Variants in DEPDC1B observed in about 807,000 individuals in gnomAD.
The protein encoded by DEPDC1B is DEP domain containing 1B.
In DEPDC1B, 51 loss-of-function variants were observed where a neutral mutation model predicts 66.5. That is an observed-to-expected ratio of 0.77 (90% CI 0.61 to 0.97). The LOEUF (loss-of-function observed/expected upper bound fraction) is 0.97, where lower values mean the gene tolerates loss of function less well. DEPDC1B is among the 50% of genes least tolerant of loss of function. The probability of loss-of-function intolerance (pLI) is 0.00; values close to 1 mark genes in which losing one functional copy is unlikely to be tolerated. For missense variants in DEPDC1B, 552 were observed against 637.1 expected, an observed-to-expected ratio of 0.87 and a Z score of 1.44; for synonymous variants, 226 against 223.6, an observed-to-expected ratio of 1.01 and a Z score of -0.10.
chr5:60,647,345 A>G (rs1384463733), intron 3 of DEPDC1B, 53 bp downstream of exon 3: 3 of 1,538,980 alleles, frequency 1.9e-6, no homozygotes, highest in South Asian at 2.6e-5. Context: ...CTAGGAGTTC[A>G]TGGATGATTC....
At chr5:60,645,056 C>T (rs1341560736) in intron 4 of DEPDC1B, among the ~76,000 whole-genome samples, 181 bp from the exon 5 acceptor site, 3 of 152,128 alleles carry the variant, frequency 2.0e-5, no homozygotes, top group African/African-American at 4.8e-5. Flanking sequence ...TATCCTTTTG[C>T]TATTAACATT....
At chr5:60,636,972 G>A (rs1753057517) in intron 7 of DEPDC1B, among the ~76,000 whole-genome samples, 1 of 152,148 alleles carries the variant, frequency 6.6e-6, no homozygotes, top group African/African-American at 2.4e-5. Context: ...TGATAAAATA[G>A]AGCAGTGACA....
chr5:60,667,721 T>TTACATATATATAAAAAATGGATATTA lies in DEPDC1B; in HGVS notation c.314+19240_314+19241insTAATATCCATTTTTTATATATATGTA, dbSNP rs1561383999. On this transcript the variant is annotated intron_variant, in intron 2 of 10. Transcript: ENST00000265036. The stretch of plus-strand genomic sequence containing the variant: ...TTTACATGTATATAAAATGGATATT[T>TTACATATATATAAAAAATGGATATTA]TACATATATATAAAAAATGGATATT... Among the ~76,000 whole-genome samples, 122 of 121,558 alleles carry TTACATATATATAAAAAATGGATATTA rather than the reference T, an allele frequency of 1.0e-3. 2 individuals are homozygous for TTACATATATATAAAAAATGGATATTA. Among genetic ancestry groups the TTACATATATATAAAAAATGGATATTA allele is most frequent in the Non-Finnish European group, 1.5e-3 (87 of 57,258 alleles). 79.7% of individuals were successfully genotyped at this position (121,558 alleles called of 152,430 possible).
rs1488184125 is a variant in DEPDC1B, at chr5:60,687,028, T to G, written c.248A>C (p.His83Pro). ...TTTTCCCTTGATGTCTTCAATAACGTGATTCTTCAGGAATTTTTTTAGCAG... is the reference window on the plus strand; with the variant it reads ...TTTTCCCTTGATGTCTTCAATAACGGGATTCTTCAGGAATTTTTTTAGCAG... ...VQLLKKFLKN[H>P]VIEDIKGKWG... Residue 83 changes from histidine to proline, a missense_variant, in exon 2 of 11, where the codon CAC becomes CCC. Physicochemically the swap from His to Pro is moderately conservative, Grantham distance 77. Coordinates refer to ENST00000265036, the MANE Select transcript of DEPDC1B (RefSeq NM_018369.3). 3 of 1,614,102 alleles carry G rather than the reference T, an allele frequency of 1.9e-6. No homozygotes were observed. In the Admixed American group the frequency reaches 5.0e-5, roughly 27 times the overall value.
At chr5:60,693,951 GC>G (rs1754601312) in intron 1 of DEPDC1B, among the ~76,000 whole-genome samples, 1 of 152,066 alleles carries the variant, frequency 6.6e-6, no homozygotes, top group African/African-American at 2.4e-5. Flanking sequence ...AATACCTTAT[GC>G]ATTACATAAA....
intron 2 of DEPDC1B, among the ~76,000 whole-genome samples, chr5:60,679,512 A>C (rs1402457837): frequency 6.6e-6 from 1 of 152,192 alleles, no homozygotes; most frequent in Non-Finnish European, 1.5e-5. Context: ...AAGTTGAAAC[A>C]TGAGAATGAC....
chr5:60,666,951 C>T (rs982666044), intron 2 of DEPDC1B, among the ~76,000 whole-genome samples: 6 of 152,282 alleles, frequency 3.9e-5, no homozygotes, highest in African/African-American at 1.4e-4. Context: ...AGAAAAACTA[C>T]TAGTTGAGCT....
chr5:60,617,490 A>G (rs1752587835), intron 7 of DEPDC1B, among the ~76,000 whole-genome samples: 1 of 152,184 alleles, frequency 6.6e-6, no homozygotes, highest in South Asian at 2.1e-4. Context: ...TTGCAATCCT[A>G]GTCTCTGATA....
chr5:60,682,847 A>C (rs1171330645), intron 2 of DEPDC1B, among the ~76,000 whole-genome samples: 1 of 152,176 alleles, frequency 6.6e-6, no homozygotes, highest in African/African-American at 2.4e-5. Context: ...TTACTAATGA[A>C]TTCTACCACA....
At chr5:60,667,835 G>GGATATTTTATATATATA (rs1561384224) in intron 2 of DEPDC1B, among the ~76,000 whole-genome samples, 8 of 45,756 alleles carry the variant, frequency 1.7e-4, no homozygotes, top group African/African-American at 4.5e-4. Flanking sequence ...TTACATATAT[G>GGATATTTTATATATATA]TAAAAAATGG....
At chr5:60,613,845 A>C (rs1752477194) in intron 7 of DEPDC1B, among the ~76,000 whole-genome samples, 1 of 143,622 alleles carries the variant, frequency 7.0e-6, no homozygotes, top group South Asian at 2.2e-4. Context: ...TAAAAAACAG[A>C]TGTAGGGTCA....
intron 7 of DEPDC1B, 38 bp downstream of exon 7, chr5:60,638,712 C>T (rs1584053100): frequency 6.5e-7 from 1 of 1,538,210 alleles, no homozygotes; most frequent in Non-Finnish European, 8.7e-7. Flanking sequence ...GATTCAATAT[C>T]AGTGATGTAG....
intron 2 of DEPDC1B, among the ~76,000 whole-genome samples, chr5:60,649,743 A>C (rs982558769): frequency 2.0e-5 from 3 of 152,130 alleles, no homozygotes; most frequent in Non-Finnish European, 4.4e-5. Flanking sequence ...AAATTTTTAC[A>C]CAAAAAAAAG....
At chr5:60,675,915 T>G (rs990833308) in intron 2 of DEPDC1B, among the ~76,000 whole-genome samples, 12 of 151,676 alleles carry the variant, frequency 7.9e-5, no homozygotes, top group African/African-American at 2.9e-4. Context: ...TTTTTTTTTT[T>G]TTGTTTTTTG....
At chr5:60,664,980 G>T (rs1040285212) in intron 2 of DEPDC1B, among the ~76,000 whole-genome samples, 2 of 152,100 alleles carry the variant, frequency 1.3e-5, no homozygotes, top group Non-Finnish European at 2.9e-5. Context: ...CACTGCCGGG[G>T]TCATCAGAAA....
intron 2 of DEPDC1B, among the ~76,000 whole-genome samples, chr5:60,666,856 AG>A (rs1000230897): frequency 3.3e-5 from 5 of 152,240 alleles, no homozygotes; most frequent in Non-Finnish European, 7.3e-5. Flanking sequence ...GAGGTCAAGC[AG>A]CACAAAGACA....
At chr5:60,632,564 A>T (rs1490355221) in intron 7 of DEPDC1B, among the ~76,000 whole-genome samples, 1 of 152,234 alleles carries the variant, frequency 6.6e-6, no homozygotes, top group Admixed American at 6.5e-5. Context: ...TGCCCCCACA[A>T]GACCAAAGCT....
intron 2 of DEPDC1B, among the ~76,000 whole-genome samples, chr5:60,683,923 A>G (rs776246826): frequency 6.6e-6 from 1 of 152,206 alleles, no homozygotes; most frequent in Non-Finnish European, 1.5e-5. Flanking sequence ...TACAAAATCA[A>G]CACACAAAAA....
chr5:60,605,847 T>C lies in DEPDC1B; in HGVS notation c.908A>G (p.Gln303Arg). The change falls in exon 8 of 11, where the codon CAG becomes CGG. Residue 303 changes from glutamine to arginine, a missense_variant. By Grantham distance (43) the Gln-to-Arg change is conservative (BLOSUM62 1). Coordinates refer to ENST00000265036, the MANE Select transcript of DEPDC1B (RefSeq NM_018369.3). ...DAFVSVLGLL[Q>R]KEKVAVEAFQ... Reference sequence around the variant, plus strand: ...TGCTTCAACTGCCACTTTCTCCTTCTGTAACAAACCTGATTTAGAAAAAAA... The same window carrying C: ...TGCTTCAACTGCCACTTTCTCCTTCCGTAACAAACCTGATTTAGAAAAAAA... 1 of 1,610,918 alleles carries C rather than the reference T, an allele frequency of 6.2e-7. No homozygotes were observed. The highest frequency in any genetic ancestry group is 8.5e-7 in the Non-Finnish European group (1 of 1,178,972).
Sources: allele counts gnomAD v4.1 joint callset (sites outside exome capture counted in the v4.1 genomes callset), GRCh38; gene constraint gnomAD v4.1.1; transcripts MANE v1.5; gene names NCBI Gene and HGNC (gene_info 2026-07-23, HGNC 2026-07-21).